INSRR: variants seen among roughly 807,000 people sequenced by gnomAD.
The protein encoded by INSRR is insulin receptor related receptor.
Under a neutral mutation model 130.0 loss-of-function variants are expected in INSRR, and 114 were observed. That is an observed-to-expected ratio of 0.88 (90% CI 0.75 to 1.02). INSRR has a LOEUF of 1.02. Ranked by LOEUF, INSRR falls within the 50% of genes least tolerant of loss-of-function variation. The probability of loss-of-function intolerance (pLI) is 0.00; values close to 1 mark genes in which losing one functional copy is unlikely to be tolerated. For missense variants in INSRR, 1,657 were observed against 1,735.2 expected (o/e 0.95, Z 0.80); for synonymous variants, 674 against 705.2 (o/e 0.96, Z 0.70).
intron 19 of INSRR, 122 bp downstream of exon 19, chr1:156,841,990 G>A (rs1422025219): frequency 1.9e-6 from 3 of 1,555,708 alleles, no homozygotes; most frequent in African/African-American, 2.7e-5. Flanking sequence ...GATACAGGGT[G>A]GGGGTGACTT....
At chr1:156,856,209 G>A (rs1655401276) in intron 1 of INSRR, among the ~76,000 whole-genome samples, 1 of 151,944 alleles carries the variant, frequency 6.6e-6, no homozygotes, top group Admixed American at 6.6e-5. Context: ...GCTCCATAAG[G>A]GCAGGGATAT....
Position 156,844,168 on chromosome 1 carries a change from T to A in INSRR, c.2843+7A>T. 1 of 1,607,920 alleles carries A rather than the reference T, an allele frequency of 6.2e-7. No homozygotes were observed. The highest frequency in any genetic ancestry group is 8.5e-7 in the Non-Finnish European group (1 of 1,174,882). On this transcript the variant is annotated splice_region_variant and intron_variant, in intron 15 of 21. Transcript: ENST00000368195. ...AGGGGGTGGGGACCGGTGGGACTTATCATCACCTCTTCTTGCCGTAGAAGA... is the reference window on the plus strand; with the variant it reads ...AGGGGGTGGGGACCGGTGGGACTTAACATCACCTCTTCTTGCCGTAGAAGA...
chr1:156,843,216 A>G lies in INSRR; in HGVS notation c.2914T>C (p.Trp972Arg). The stretch of plus-strand genomic sequence containing the variant: ...GAGATCTGCTCCCGAGGCACCTCCC[A>G]TTCATCAGGGACATACACTGCAAGG... ...SASDMYVPDE[W>R]EVPREQISII... Residue 972 changes from tryptophan to arginine, a missense_variant, in exon 17 of 22, where the codon TGG becomes CGG. By Grantham distance (101) the Trp-to-Arg change is moderately radical. Transcript: ENST00000368195. The G allele has an allele frequency of 6.2e-7, 1 of 1,614,050 alleles. No homozygotes were observed. The highest frequency in any genetic ancestry group is 8.5e-7 in the Non-Finnish European group (1 of 1,180,020).
At position 156,850,534 on chromosome 1, in the gene INSRR, C is replaced by CTTTTT. The variant is rs35237064; in HGVS notation, c.1229+751_1229+755dup. Among the ~76,000 whole-genome samples the CTTTTT allele has an allele frequency of 6.7e-3, 396 of 58,692 alleles. 12 individuals are homozygous for CTTTTT. Among genetic ancestry groups the CTTTTT allele is most frequent in the Non-Finnish European group, 0.01 (290 of 28,216 alleles). 38.5% of individuals were successfully genotyped at this position (58,692 alleles called of 152,430 possible). A position where few individuals can be genotyped will look rare whatever the true frequency, so the allele number is the denominator to read the frequency against. On this transcript the variant is annotated intron_variant, in intron 5 of 21. Coordinates refer to ENST00000368195, the MANE Select transcript of INSRR (RefSeq NM_014215.3). Reference sequence around the variant, plus strand: ...GACCTGGATGGTAATTTAAAACATTCTTTTTTTTTTTTTTTTTTTTTTTTT... The same window carrying CTTTTT: ...GACCTGGATGGTAATTTAAAACATTCTTTTTTTTTTTTTTTTTTTTTTTTTTTTTT...
Position 156,840,665 on chromosome 1 carries a change from T to TC in INSRR, c.*207dup. On this transcript the variant is annotated 3_prime_UTR_variant, in exon 22 of 22. Coordinates refer to ENST00000368195, the MANE Select transcript of INSRR (RefSeq NM_014215.3). ...CCTCTGGCTTTGACCCTGCTTGCTC[T>TC]CCCCCGAGGGACTCAGAGTCTGAGA... is the stretch of plus-strand genomic sequence containing the variant. 1 of 596,904 alleles carries TC rather than the reference T, an allele frequency of 1.7e-6. No individual in the cohort carries two copies. Among genetic ancestry groups the TC allele is most frequent in the Non-Finnish European group, 3.0e-6 (1 of 334,868 alleles). The allele number at this position is 596,904 out of a possible 1,614,324, so 37.0% of individuals were successfully genotyped here. A position where few individuals can be genotyped will look rare whatever the true frequency, so the allele number is the denominator to read the frequency against.
intron 10 of INSRR, 51 bp downstream of exon 10, chr1:156,845,568 C>T (rs1654966702): frequency 2.0e-6 from 3 of 1,504,548 alleles, no homozygotes; most frequent in African/African-American, 2.8e-5. Flanking sequence ...AGACCCGCCC[C>T]TCACAGGCCC....
At chr1:156,844,410 G>T in intron 14 of INSRR, 52 bp downstream of exon 14, 1 of 1,590,114 alleles carries the variant, frequency 6.3e-7, no homozygotes, top group Non-Finnish European at 8.6e-7. Context: ...GTGGGCTGGG[G>T]ACCAGGTAGG....
At chr1:156,847,244 TAG>T (rs1317407090) in intron 7 of INSRR, among the ~76,000 whole-genome samples, 3 of 152,230 alleles carry the variant, frequency 2.0e-5, no homozygotes, top group Admixed American at 2.0e-4. Flanking sequence ...TGTGTTTTTC[TAG>T]AGAGAGTGTT....
rs559542501 is a variant in INSRR at position 156,849,041 on chromosome 1, G to A, written c.1451C>T (p.Thr484Ile). Residue 484 changes from threonine (T) to isoleucine (I), a missense_variant, in exon 7 of 22, where the codon ACT becomes ATT. Physicochemically the swap from Thr to Ile is moderately conservative, Grantham distance 89. Transcript: ENST00000368195. ...GTTGGACACGAAGCGCAGGGTGCGA[G>A]TCTGGCCTGGGTGGGGCGAGGGGCC... The part of the protein sequence containing the change: ...RTNGDRAACQ[T>I]RTLRFVSNVT... 4 of 1,613,156 alleles carry A rather than the reference G, an allele frequency of 2.5e-6. No individual in the cohort carries two copies. The highest frequency in any genetic ancestry group is 2.2e-5 in the East Asian group (1 of 44,858).
At chr1:156,846,840 T>A in intron 7 of INSRR, 83 bp from the exon 8 acceptor site, 1 of 1,127,198 alleles carries the variant, frequency 8.9e-7, no homozygotes, top group Non-Finnish European at 1.3e-6. Context: ...ACCCCAGGAC[T>A]GTCATTGTCC....
intron 12 of INSRR, 91 bp from the exon 13 acceptor site, chr1:156,844,934 G>A (rs932841901): frequency 1.3e-6 from 2 of 1,576,606 alleles, no homozygotes; most frequent in Non-Finnish European, 1.7e-6. Flanking sequence ...GCTGGGAGGT[G>A]GGGAAAGCTT....
Position 156,854,128 on chromosome 1 carries a change from A to T in INSRR, c.261T>A (p.Arg87=), listed in dbSNP as rs768530606. The T allele has an allele frequency of 6.2e-7, 1 of 1,614,154 alleles. No individual in the cohort carries two copies. The highest frequency in any genetic ancestry group is 2.2e-5 in the East Asian group (1 of 44,894). ...TQVTDYLLLF[R]VYGLESLRDL... Reference sequence around the variant, plus strand: ...CGCGCAGGCTCTCCAGTCCGTAGACACGGAAGAGCAGCAGGTAGTCGGTGA... The same window carrying T: ...CGCGCAGGCTCTCCAGTCCGTAGACTCGGAAGAGCAGCAGGTAGTCGGTGA... The change falls in exon 2 of 22, where the codon CGT becomes CGA. Residue 87 remains arginine, a synonymous_variant. Transcript: ENST00000368195. The surrounding 1 kb of genome is among the most constrained non-coding windows in gnomAD (Gnocchi z 4.2).
At chr1:156,857,237 A>G (rs970749778) in intron 1 of INSRR, among the ~76,000 whole-genome samples, 2 of 151,800 alleles carry the variant, frequency 1.3e-5, no homozygotes, top group African/African-American at 4.8e-5. Flanking sequence ...ACGCAGATAC[A>G]CACACAAAAA....
At chr1:156,844,435 C>T (rs754786091) in intron 14 of INSRR, 27 bp downstream of exon 14, 18 of 1,605,752 alleles carry the variant, frequency 1.1e-5, no homozygotes, top group Middle Eastern at 3.4e-4. Flanking sequence ...TTCGGTGATA[C>T]AGGTCTGTGA....
intron 20 of INSRR, 67 bp from the exon 21 acceptor site, chr1:156,841,595 G>T (rs951148500): frequency 6.2e-7 from 1 of 1,610,452 alleles, no homozygotes; most frequent in African/African-American, 1.3e-5. Context: ...CAAGGGATGG[G>T]GGTGTTCCAG....
At position 156,845,225 on chromosome 1, in the gene INSRR, T is replaced by C; in HGVS notation, c.2288A>G (p.Gln763Arg). The change falls in exon 12 of 22, where the codon CAG (glutamine) becomes CGG (arginine). Residue 763 changes from glutamine to arginine, a missense_variant. Transcript: ENST00000368195. ...TCGCTCACGGGGCACCTTGTCCTCC[T>C]GGATCTCGAAATCCGAGCTGTTGCC... The part of the protein sequence containing the change: ...LGGNSSDFEI[Q>R]EDKVPRERAV... 6.2e-7 allele frequency: 1 copy of C among 1,610,070 alleles called. No homozygotes were observed. The highest frequency in any genetic ancestry group is 8.5e-7 in the Non-Finnish European group (1 of 1,178,476).
At chr1:156,844,344 T>G in intron 14 of INSRR, 64 bp from the exon 15 acceptor site, 1 of 1,561,566 alleles carries the variant, frequency 6.4e-7, no homozygotes, top group Non-Finnish European at 8.8e-7. Flanking sequence ...AAGGTCATGC[T>G]TCTCTTTCCA....
At position 156,843,125 on chromosome 1, in the gene INSRR, T is replaced by C. The variant is rs755049789; in HGVS notation, c.3005A>G (p.Glu1002Gly). ...MVYEGLARGL[E>G]AGEESTPVAL... ...CACGGGTGTGGACTCCTCTCCAGCC[T>C]CAAGTCCTCGTGCCAGCCCCTCATA... Residue 1002 changes from glutamate (E) to glycine (G), a missense_variant, in exon 17 of 22, where the codon GAG becomes GGG. Glu to Gly is a moderately conservative substitution (Grantham distance 98). Coordinates refer to ENST00000368195, the MANE Select transcript of INSRR (RefSeq NM_014215.3). The C allele has an allele frequency of 6.2e-7, 1 of 1,614,112 alleles. No homozygotes were observed. The highest frequency in any genetic ancestry group is 8.5e-7 in the Non-Finnish European group (1 of 1,180,008).
Position 156,858,613 on chromosome 1 carries a change from C to T in INSRR, c.9G>A (p.Val3=), listed in dbSNP as rs1180200193. 6.2e-6 allele frequency: 10 copies of T among 1,613,904 alleles called. No homozygotes were observed. Among genetic ancestry groups the T allele is most frequent in the Admixed American group, 1.7e-5 (1 of 60,012 alleles). The stretch of plus-strand genomic sequence containing the variant: ...ATGCTCCCCAGGGCCACAGACTAGG[C>T]ACTGCCATTGTCCCAGCCCTGGCTT... MA[V]PSLWPWGACL... Residue 3 remains valine (V), a synonymous_variant, in exon 1 of 22, where the codon GTG becomes GTA. Transcript: ENST00000368195.
Sources: allele counts gnomAD v4.1 joint callset (sites outside exome capture counted in the v4.1 genomes callset), GRCh38; gene constraint gnomAD v4.1.1; non-coding constraint Gnocchi (gnomAD v3.1); transcripts MANE v1.5; gene names NCBI Gene and HGNC (gene_info 2026-07-23, HGNC 2026-07-21).